The following SPTBN5 variants were observed in gnomAD, a reference collection of about 807,000 sequenced individuals.
The protein encoded by SPTBN5 is spectrin beta chain, non-erythrocytic 5.
In SPTBN5, 513 loss-of-function variants were observed where a neutral mutation model predicts 477.6. The observed-to-expected ratio is 1.07, with a 90% CI of 1.00 to 1.16. The LOEUF is 1.16. Among genes scored for constraint, SPTBN5 ranks in the 50% most tolerant of loss-of-function variants. The pLI is 0.00. For synonymous variants in SPTBN5, 2,169 were observed against 2,011.7 expected (o/e 1.08, Z -2.09); for missense variants, 5,062 against 4,731.8 (o/e 1.07, Z -2.05).
intron 54 of SPTBN5, 23 bp downstream of exon 54, chr15:41,855,526 C>T (rs376447400): frequency 8.7e-5 from 140 of 1,604,198 alleles, no homozygotes; most frequent in Non-Finnish European, 1.1e-4. Context: ...TGCTCCTTCG[C>T]GGATGGTGTG....
chr15:41,848,916 C>G (rs1197667), intron 67 of SPTBN5, among the ~76,000 whole-genome samples: 1 of 152,072 alleles, frequency 6.6e-6, no homozygotes, highest in Non-Finnish European at 1.5e-5. Flanking sequence ...CTGGTAGCCT[C>G]AGGAGCCACT....
Position 41,848,603 on chromosome 15 carries a change from A to C in SPTBN5, c.*13T>G. On this transcript the variant is annotated 3_prime_UTR_variant, in exon 68 of 68. Transcript: ENST00000320955. ...TTGTGCCCCTGAAGTTTGGTGTTGC[A>C]CTGGGGTTCACCTCAGGGATCAGAC... The C allele has an allele frequency of 6.2e-7, 1 of 1,613,904 alleles. No individual in the cohort carries two copies. The highest frequency in any genetic ancestry group is 8.5e-7 in the Non-Finnish European group (1 of 1,179,830).
At chr15:41,880,719 G>A (rs1484555243) in intron 13 of SPTBN5, among the ~76,000 whole-genome samples, 1 of 152,186 alleles carries the variant, frequency 6.6e-6, no homozygotes, top group Non-Finnish European at 1.5e-5. Flanking sequence ...TCCTCCGCTG[G>A]GCCCCCTTCC....
intron 29 of SPTBN5, among the ~76,000 whole-genome samples, chr15:41,870,990 C>A (rs1273376948): frequency 6.6e-6 from 1 of 152,270 alleles, no homozygotes; most frequent in Non-Finnish European, 1.5e-5. Context: ...CATGACCTTG[C>A]CTCAAAGCTC....
intron 36 of SPTBN5, 106 bp downstream of exon 36, chr15:41,866,853 C>A: frequency 7.2e-7 from 1 of 1,379,834 alleles, no homozygotes; most frequent in South Asian, 1.5e-5. Flanking sequence ...GGAAAGCCAT[C>A]CACCCCCGAA....
At position 41,873,886 on chromosome 15, in the gene SPTBN5, C is replaced by T; in HGVS notation, c.4849G>A (p.Ala1617Thr). Residue 1617 changes from alanine to threonine, a missense_variant, in exon 25 of 68, where the codon GCG (alanine) becomes ACG (threonine). By Grantham distance (58) the Ala-to-Thr change is moderately conservative. Transcript: ENST00000320955. ...GCCTGCTGCAGACACTGGGCCCGCG[C>T]TTCACATGCCCTCTCCAGCTCTGCC... is the stretch of plus-strand genomic sequence containing the variant. ...HWAELERACE[A>T]RAQCLQQAVT... The T allele has an allele frequency of 6.2e-7, 1 of 1,611,488 alleles. No individual in the cohort carries two copies. The highest frequency in any genetic ancestry group is 1.1e-5 in the South Asian group (1 of 91,084).
Position 41,868,148 on chromosome 15 carries a change from T to C in SPTBN5, c.6128A>G (p.Glu2043Gly), listed in dbSNP as rs768561645. The part of the protein sequence containing the change: ...QVYQTWARKQ[E>G]RLQAEQQEQL... The stretch of plus-strand genomic sequence containing the variant: ...CTCCTGCTGCTCGGCCTGCAGCCTC[T>C]CTTGCTTCCGTGCCCAGGTCTGATA... Residue 2043 changes from glutamate (E) to glycine (G), a missense_variant, in exon 34 of 68, where the codon GAG (glutamate) becomes GGG (glycine). Coordinates refer to ENST00000320955, the MANE Select transcript of SPTBN5 (RefSeq NM_016642.4). 14 of 1,593,496 alleles carry C rather than the reference T, an allele frequency of 8.8e-6. No homozygotes were observed. The highest frequency in any genetic ancestry group is 1.2e-5 in the Non-Finnish European group (14 of 1,170,888).
chr15:41,867,218 G>C, intron 35 of SPTBN5, 92 bp from the exon 36 acceptor site: 1 of 1,391,342 alleles, frequency 7.2e-7, no homozygotes, highest in African/African-American at 1.4e-5. Flanking sequence ...TGAGGGCCCC[G>C]GAGCCCTTTC....
chr15:41,860,490 G>C (rs2066068580), intron 47 of SPTBN5, 96 bp downstream of exon 47: 1 of 1,275,806 alleles, frequency 7.8e-7, no homozygotes, highest in Non-Finnish European at 1.0e-6. Context: ...TGGTGAGCCT[G>C]GGCCAAGTAG....
Position 41,862,161 on chromosome 15 carries a change from CGG to C in SPTBN5, c.7515_7516del (p.Arg2506AlafsTer96). On this transcript the variant is annotated frameshift_variant, in exon 44 of 68. Coordinates refer to ENST00000320955, the MANE Select transcript of SPTBN5 (RefSeq NM_016642.4). LOFTEE classifies it high-confidence loss of function. ...CTCCTGATGCTCTTCTAACATACGC[CGG>C]GCTTCCACAGGGCTGCGAGGAGCGG... is the stretch of plus-strand genomic sequence containing the variant. 1 of 1,597,940 alleles carries C rather than the reference CGG, an allele frequency of 6.3e-7. No individual in the cohort carries two copies. Among genetic ancestry groups the C allele is most frequent in the South Asian group, 1.1e-5 (1 of 89,432 alleles).
In SPTBN5 at chr15:41,857,386, G is replaced by A. The variant is rs1164819624; in HGVS notation, c.8473C>T (p.Leu2825Phe). 1 of 1,581,856 alleles carries A rather than the reference G, an allele frequency of 6.3e-7. No homozygotes were observed. The highest frequency in any genetic ancestry group is 8.6e-7 in the Non-Finnish European group (1 of 1,164,036). The stretch of plus-strand genomic sequence containing the variant: ...TCCAGCTCCCTCTGTGTGCCCAGGA[G>A]CTCGCCCACCCCAGGCAGGGCCTGG... ...VGQALPGVGE[L>F]LGTQRELEAA... Residue 2825 changes from leucine to phenylalanine, a missense_variant, in exon 51 of 68, where the codon CTC (leucine) becomes TTC (phenylalanine). Leu to Phe is a conservative substitution (Grantham distance 22, BLOSUM62 0). Coordinates refer to ENST00000320955, the MANE Select transcript of SPTBN5 (RefSeq NM_016642.4).
Position 41,886,141 on chromosome 15 carries a change from G to C in SPTBN5, c.1114C>G (p.Arg372Gly), listed in dbSNP as rs368318926. The C allele has an allele frequency of 6.2e-7, 1 of 1,611,546 alleles. No individual in the cohort carries two copies. Among genetic ancestry groups the C allele is most frequent in the East Asian group, 2.2e-5 (1 of 44,850 alleles). The stretch of plus-strand genomic sequence containing the variant: ...TGGGCTTGGAGTGCTGTCTGTAGCC[G>C]GAAGAGCAGGGCCTCTGCGGCCCCT... ...QRGAAEALLF[R>G]LQTALQAQNR... Residue 372 changes from arginine to glycine, a missense_variant, in exon 7 of 68, where the codon CGG (arginine) becomes GGG (glycine). Physicochemically the swap from Arg to Gly is moderately radical, Grantham distance 125. Coordinates refer to ENST00000320955, the MANE Select transcript of SPTBN5 (RefSeq NM_016642.4).
In SPTBN5 at chr15:41,854,177, C is replaced by G. The variant is rs764045346; in HGVS notation, c.9647G>C (p.Ser3216Thr). 2 of 1,600,314 alleles carry G rather than the reference C, an allele frequency of 1.2e-6. No individual in the cohort carries two copies. The highest frequency in any genetic ancestry group is 1.7e-6 in the Non-Finnish European group (2 of 1,173,800). ...GAGCTCAGCTGCTGCCTGCTGAAAGCTGTGGACCTCATGGGCTGCAGCCAA... is the reference window on the plus strand; with the variant it reads ...GAGCTCAGCTGCTGCCTGCTGAAAGGTGTGGACCTCATGGGCTGCAGCCAA... ...ENLAAAHEVHSFQQAAAELQG... is the reference protein window; with the variant it reads ...ENLAAAHEVHTFQQAAAELQG... The change falls in exon 57 of 68, where the codon AGC (serine) becomes ACC (threonine). Residue 3216 changes from serine to threonine, a missense_variant. Ser to Thr is a moderately conservative substitution (Grantham distance 58). Transcript: ENST00000320955.
At chr15:41,866,721 C>T (rs1279140798) in intron 36 of SPTBN5, among the ~76,000 whole-genome samples, 1 of 152,202 alleles carries the variant, frequency 6.6e-6, no homozygotes. Context: ...TCCTGGGGCC[C>T]TGGGCTGCTC....
chr15:41,862,202 C>A lies in SPTBN5; in HGVS notation c.7476G>T (p.Gln2492His). The change falls in exon 44 of 68, where the codon CAG becomes CAT. Residue 2492 changes from glutamine (Q) to histidine (H), a missense_variant. Gln to His is a conservative substitution (Grantham distance 24). Transcript: ENST00000320955. Reference protein sequence around the residue: ...LLVSAQRLRAQMDTSPAPRSP... With the variant: ...LLVSAQRLRAHMDTSPAPRSP... ...TGCGAGGAGCGGGGCTCGTGTCCAT[C>A]TGAGCCCGCAGCCTCTGGGCGCTGA... is the stretch of plus-strand genomic sequence containing the variant. 1 of 1,611,214 alleles carries A rather than the reference C, an allele frequency of 6.2e-7. No individual in the cohort carries two copies.
In SPTBN5 at chr15:41,862,886, G is replaced by T; in HGVS notation, c.7167C>A (p.Ala2389=). The change falls in exon 42 of 68, where the codon GCC becomes GCA. Residue 2389 remains alanine, a synonymous_variant. Coordinates refer to ENST00000320955, the MANE Select transcript of SPTBN5 (RefSeq NM_016642.4). ...TCTCCAGATCTTTCCCACAGTCCAG[G>T]GCCTGGATCAGGGCTTCCTGGAGGA... is the stretch of plus-strand genomic sequence containing the variant. The part of the protein sequence containing the change: ...RIQEKEALIQ[A]LDCGKDLESV... 1 of 1,582,826 alleles carries T rather than the reference G, an allele frequency of 6.3e-7. No homozygotes were observed.
Position 41,857,768 on chromosome 15 carries a change from T to C in SPTBN5, c.8227-58A>G. The C allele has an allele frequency of 6.0e-6, 9 of 1,508,966 alleles. No homozygotes were observed. The African/African-American group carries it at 6.9e-5, about 12-fold the overall frequency. The allele number at this position is 1,508,966 out of a possible 1,614,324, so 93.5% of individuals were successfully genotyped here. On this transcript the variant is annotated intron_variant, in intron 49 of 67. Transcript: ENST00000320955. ...CTCAGGACTGCTGGTACCAGGGCACTTGTGTTGACTCTGACCACCAGCACT... is the reference window on the plus strand; with the variant it reads ...CTCAGGACTGCTGGTACCAGGGCACCTGTGTTGACTCTGACCACCAGCACT...
At chr15:41,855,146 C>T (rs867996680) in intron 55 of SPTBN5, 78 bp downstream of exon 55, 1 of 1,512,802 alleles carries the variant, frequency 6.6e-7, no homozygotes, top group Middle Eastern at 1.8e-4. Context: ...GCTGACTCCC[C>T]AGCAACCCTT....
chr15:41,893,023 A>C lies in SPTBN5; in HGVS notation c.255T>G (p.Ala85=). 6.2e-7 allele frequency: 1 copy of C among 1,611,538 alleles called. No individual in the cohort carries two copies. The change falls in exon 3 of 68, where the codon GCT becomes GCG. Residue 85 remains alanine (A), a synonymous_variant. Transcript: ENST00000320955. ...IKIRNLYTEL[A]DGIHLLRLLE... The stretch of plus-strand genomic sequence containing the variant: ...GCAGCCGCAGGAGGTGGATGCCGTC[A>C]GCCAGCTCTGTGTACAGGTTCCGGA...
Sources: allele counts gnomAD v4.1 joint callset (sites outside exome capture counted in the v4.1 genomes callset), GRCh38; gene constraint gnomAD v4.1.1; transcripts MANE v1.5; gene names NCBI Gene and HGNC (gene_info 2026-07-23, HGNC 2026-07-21).